Variants in AUTS2 observed in about 807,000 individuals in gnomAD.
The protein encoded by AUTS2 is autism susceptibility gene 2 protein.
In AUTS2, 17 loss-of-function variants were observed where a neutral mutation model predicts 112.4. That is an observed-to-expected ratio of 0.15 (90% CI 0.10 to 0.23). The LOEUF (loss-of-function observed/expected upper bound fraction) is 0.23. AUTS2 is among the 10% of genes least tolerant of loss of function. The pLI is 1.00. For synonymous variants in AUTS2, 751 were observed against 702.7 expected (o/e 1.07, Z -1.09); for missense variants, 1,510 against 1,701.6 (o/e 0.89, Z 1.98).
chr7:70,763,252 C>A lies in AUTS2; in HGVS notation c.1125C>A (p.Leu375=). 1 of 1,613,982 alleles carries A rather than the reference C, an allele frequency of 6.2e-7. No individual in the cohort carries two copies. Among genetic ancestry groups the A allele is most frequent in the Non-Finnish European group, 8.5e-7 (1 of 1,179,952 alleles). The change falls in exon 7 of 19, where the codon CTC becomes CTA. Residue 375 remains leucine (L), a synonymous_variant. Coordinates refer to ENST00000342771, the MANE Select transcript of AUTS2 (RefSeq NM_015570.4). ...CCACCCAGCTGCTCCATCAGAACCT[C>A]CCACCTGTGCAGGCCCACCCCTCTG... is the stretch of plus-strand genomic sequence containing the variant. ...QSPTQLLHQN[L]PPVQAHPSAQ...
At chr7:70,729,171 G>A (rs763416162) in intron 6 of AUTS2, 1 of 456,580 alleles carries the variant, frequency 2.2e-6, no homozygotes, top group South Asian at 1.5e-5. Context: ...CAGAGCCTTT[G>A]GAGACCTGTG....
At chr7:70,502,586 C>T (rs995420121) in intron 5 of AUTS2, among the ~76,000 whole-genome samples, 3 of 152,064 alleles carry the variant, frequency 2.0e-5, no homozygotes, top group African/African-American at 7.2e-5. Flanking sequence ...TTTTGTGTCC[C>T]CTGCAGAAAA....
At chr7:69,654,499 G>T (rs1189630456) in intron 1 of AUTS2, among the ~76,000 whole-genome samples, 1 of 152,216 alleles carries the variant, frequency 6.6e-6, no homozygotes, top group Admixed American at 6.5e-5. Context: ...GGCCAGCCCA[G>T]TAAAGTTTAT....
intron 1 of AUTS2, among the ~76,000 whole-genome samples, chr7:69,898,941 G>A (rs1455956079): frequency 6.6e-6 from 1 of 152,194 alleles, no homozygotes; most frequent in Non-Finnish European, 1.5e-5. Flanking sequence ...GGAAATGAGT[G>A]TATTGCACTT....
chr7:70,290,615 C>G, intron 4 of AUTS2: 1 of 1,427,118 alleles, frequency 7.0e-7, no homozygotes, highest in African/African-American at 1.5e-5. Flanking sequence ...CACTTCCCTC[C>G]TTTTCATTTG....
intron 4 of AUTS2, among the ~76,000 whole-genome samples, chr7:70,150,667 A>G (rs1466056893): frequency 6.6e-6 from 1 of 152,166 alleles, no homozygotes; most frequent in African/African-American, 2.4e-5. Flanking sequence ...TTTCATTCTC[A>G]TTGATAAATT....
At chr7:69,737,706 T>G (rs940882117) in intron 1 of AUTS2, among the ~76,000 whole-genome samples, 1 of 152,180 alleles carries the variant, frequency 6.6e-6, no homozygotes, top group Non-Finnish European at 1.5e-5. Flanking sequence ...TTGATTTTCT[T>G]CACCCTCTTG....
intron 4 of AUTS2, among the ~76,000 whole-genome samples, chr7:70,429,696 A>C (rs1795573177): frequency 6.6e-6 from 1 of 152,208 alleles, no homozygotes; most frequent in Admixed American, 6.5e-5. Context: ...TCAGTAGCAT[A>C]ATTTTGTGTT....
At chr7:69,606,951 C>T (rs564767949) in intron 1 of AUTS2, among the ~76,000 whole-genome samples, 2 of 152,326 alleles carry the variant, frequency 1.3e-5, no homozygotes, top group East Asian at 1.9e-4. Flanking sequence ...TGTTCTCCTT[C>T]GTTTCTTCTA....
intron 1 of AUTS2, among the ~76,000 whole-genome samples, chr7:69,699,354 T>G (rs1207336568): frequency 6.6e-6 from 1 of 152,216 alleles, no homozygotes; most frequent in African/African-American, 2.4e-5. Flanking sequence ...TCTTTTGTAA[T>G]TTCTTAAATA....
chr7:70,768,877 C>CTTT (rs66614263), intron 10 of AUTS2, among the ~76,000 whole-genome samples: 16 of 108,222 alleles, frequency 1.5e-4, no homozygotes, highest in African/African-American at 4.9e-4. Context: ...CCAGTGATTT[C>CTTT]TTTTTTTTTT....
intron 4 of AUTS2, among the ~76,000 whole-genome samples, chr7:70,303,127 A>T (rs1179343446): frequency 6.6e-6 from 1 of 152,114 alleles, no homozygotes; most frequent in African/African-American, 2.4e-5. Flanking sequence ...AAACCTACAT[A>T]AGACTCCCAG....
chr7:69,700,133 G>T (rs970469224), intron 1 of AUTS2, among the ~76,000 whole-genome samples: 1 of 152,258 alleles, frequency 6.6e-6, no homozygotes, highest in Middle Eastern at 3.4e-3. Flanking sequence ...CAGGGTGGTG[G>T]TGTTAAACTT....
intron 2 of AUTS2, among the ~76,000 whole-genome samples, chr7:69,933,429 A>G (rs997892810): frequency 2.0e-5 from 3 of 152,196 alleles, no homozygotes; most frequent in African/African-American, 7.2e-5. Flanking sequence ...TGGATAGGTC[A>G]GTGTCATTTG....
chr7:69,634,895 C>T (rs1222638676), intron 1 of AUTS2, among the ~76,000 whole-genome samples: 2 of 152,136 alleles, frequency 1.3e-5, no homozygotes, highest in Non-Finnish European at 2.9e-5. Context: ...TATTGGTGAC[C>T]TTTGAGGGCT....
chr7:70,267,321 A>G (rs1267875262), intron 4 of AUTS2, among the ~76,000 whole-genome samples: 1 of 151,710 alleles, frequency 6.6e-6, no homozygotes, highest in Non-Finnish European at 1.5e-5. Flanking sequence ...TATTCAAAAA[A>G]CTTTTCTCTA....
At chr7:69,809,738 C>T (rs534295087) in intron 1 of AUTS2, among the ~76,000 whole-genome samples, 1 of 152,136 alleles carries the variant, frequency 6.6e-6, no homozygotes, top group South Asian at 2.1e-4. Context: ...GACTGTGTGA[C>T]GGAGCTGACA....
chr7:70,598,769 C>T (rs748111861), intron 5 of AUTS2, among the ~76,000 whole-genome samples: 7 of 152,158 alleles, frequency 4.6e-5, no homozygotes, highest in African/African-American at 9.7e-5. Context: ...TTCCAAATTC[C>T]CTTTTTTTTC....
At chr7:70,379,489 G>A (rs1485301860) in intron 4 of AUTS2, among the ~76,000 whole-genome samples, 35 of 149,546 alleles carry the variant, frequency 2.3e-4, no homozygotes, top group Non-Finnish European at 5.9e-5. Context: ...GTGACAGAGC[G>A]AGCATCCGTC....
Sources: allele counts gnomAD v4.1 joint callset (sites outside exome capture counted in the v4.1 genomes callset), GRCh38; gene constraint gnomAD v4.1.1; transcripts MANE v1.5; gene names NCBI Gene and HGNC (gene_info 2026-07-23, HGNC 2026-07-21).